The following GRM7 variants were observed in gnomAD, a reference collection of about 807,000 sequenced individuals.
The protein encoded by GRM7 is metabotropic glutamate receptor 7.
GRM7 carries 35 observed loss-of-function variants against 84.5 expected under a neutral mutation model. The observed-to-expected ratio is 0.41, with a 90% CI of 0.32 to 0.55. GRM7 has a LOEUF of 0.55. GRM7 is among the 20% of genes least tolerant of loss of function. The pLI is 0.19. For synonymous variants in GRM7, 487 were observed against 455.1 expected, an observed-to-expected ratio of 1.07 and a Z score of -0.89; for missense variants, 1,003 against 1,194.6, an observed-to-expected ratio of 0.84 and a Z score of 2.36.
intron 2 of GRM7, among the ~76,000 whole-genome samples, chr3:7,226,339 T>G (rs1575054868): frequency 6.6e-6 from 1 of 152,188 alleles, no homozygotes; most frequent in East Asian, 1.9e-4. Context: ...TTCAGGTTGC[T>G]GGCAAAATTT....
chr3:7,649,331 A>C (rs180909393), intron 8 of GRM7, among the ~76,000 whole-genome samples: 1 of 152,116 alleles, frequency 6.6e-6, no homozygotes, highest in Admixed American at 6.5e-5. Context: ...GGCCTCCCAA[A>C]GTGCTGGGAT....
rs542685862 is a variant in GRM7 at position 6,862,459 on chromosome 3, G to T, written c.519+552G>T. Among the ~76,000 whole-genome samples the T allele has an allele frequency of 3.9e-4, 59 of 152,180 alleles. No homozygotes were observed. The highest frequency in any genetic ancestry group is 1.4e-3 in the African/African-American group (57 of 41,556). ...TGGATGTTAAGTCCGCATCTCCCTC[G>T]GGCTGATTTCCCGACCTGTAGCCAG... On this transcript the variant is annotated intron_variant, in intron 1 of 9. Coordinates refer to ENST00000357716, the MANE Select transcript of GRM7 (RefSeq NM_000844.4). This position sits in a 1 kb window ranked among gnomAD's most constrained non-coding sequence, Gnocchi z 5.2.
chr3:7,550,144 T>C (rs1174913356), intron 7 of GRM7, among the ~76,000 whole-genome samples: 1 of 151,960 alleles, frequency 6.6e-6, no homozygotes, highest in African/African-American at 2.4e-5. Flanking sequence ...TCCATGTAAG[T>C]GCAGAGAGCT....
At chr3:7,013,794 A>T (rs1695468300) in intron 1 of GRM7, among the ~76,000 whole-genome samples, 1 of 152,118 alleles carries the variant, frequency 6.6e-6, no homozygotes, top group African/African-American at 2.4e-5. Context: ...ACTAAAAGCA[A>T]TTGCAATTGT....
chr3:6,922,540 T>C (rs1697162332), intron 1 of GRM7, among the ~76,000 whole-genome samples: 1 of 152,228 alleles, frequency 6.6e-6, no homozygotes, highest in Non-Finnish European at 1.5e-5. Context: ...TTTAAATTTA[T>C]CACTTCTTTT....
rs182803519 is a variant in GRM7, at chr3:7,558,635, G to A, written c.1516-19787G>A. Reference sequence around the variant, plus strand: ...AATATATTTAATAAGACAATTAGGGGTCCACATATTTTAGTAAATAATATT... The same window carrying A: ...AATATATTTAATAAGACAATTAGGGATCCACATATTTTAGTAAATAATATT... On this transcript the variant is annotated intron_variant, in intron 7 of 9. Transcript: ENST00000357716. 2.0e-5 allele frequency among the ~76,000 whole-genome samples: 3 copies of A among 152,182 alleles called. No homozygotes were observed. The East Asian group carries it at 5.8e-4, about 29-fold the overall frequency.
rs34718473 is a variant in GRM7 at position 7,112,229 on chromosome 3, AT to A, written c.520-34210del. Reference sequence around the variant, plus strand: ...GTCTATTGAGTTTTCATATTTTATGATTTTTTTTTTTTTGAGACAGAGTCTC... The same window carrying A: ...GTCTATTGAGTTTTCATATTTTATGATTTTTTTTTTTTGAGACAGAGTCTC... On this transcript the variant is annotated intron_variant, in intron 1 of 9. Transcript: ENST00000357716. 4.8e-4 allele frequency among the ~76,000 whole-genome samples: 70 copies of A among 146,842 alleles called. 1 individual carries two copies. The highest frequency in any genetic ancestry group is 1.7e-3 in the South Asian group (8 of 4,644).
intron 1 of GRM7, among the ~76,000 whole-genome samples, chr3:6,916,433 T>G (rs990702527): frequency 6.6e-6 from 1 of 152,130 alleles, no homozygotes; most frequent in South Asian, 2.1e-4. Context: ...AGTGGCAGTA[T>G]AGGGGGAGTC....
intron 1 of GRM7, among the ~76,000 whole-genome samples, chr3:6,891,638 C>G (rs1475722458): frequency 6.6e-6 from 1 of 152,088 alleles, no homozygotes; most frequent in Non-Finnish European, 1.5e-5. Flanking sequence ...GTGGGTAACC[C>G]GACCTTTCTC....
intron 1 of GRM7, among the ~76,000 whole-genome samples, chr3:6,889,117 TAAG>T (rs1488449508): frequency 6.6e-6 from 1 of 152,208 alleles, no homozygotes; most frequent in Non-Finnish European, 1.5e-5. Context: ...CTTGTCAGCT[TAAG>T]GAGATTTTGG....
intron 8 of GRM7, among the ~76,000 whole-genome samples, chr3:7,668,801 G>A (rs1300625698): frequency 6.6e-6 from 1 of 152,240 alleles, no homozygotes; most frequent in Non-Finnish European, 1.5e-5. Context: ...TTTCTCAAAT[G>A]AGTGAGGACC....
At chr3:6,898,402 C>CAAAAAAA (rs58548226) in intron 1 of GRM7, among the ~76,000 whole-genome samples, 1 of 101,836 alleles carries the variant, frequency 9.8e-6, no homozygotes. Context: ...GGCACAAAGA[C>CAAAAAAA]AAAAAAAAAA....
chr3:6,970,685 A>G (rs1367708612), intron 1 of GRM7, among the ~76,000 whole-genome samples: 2 of 152,132 alleles, frequency 1.3e-5, no homozygotes, highest in Non-Finnish European at 2.9e-5. Context: ...TCCTACAAAA[A>G]AACCAAGAGA....
intron 8 of GRM7, among the ~76,000 whole-genome samples, chr3:7,580,248 C>A (rs963731066): frequency 6.6e-6 from 1 of 152,138 alleles, no homozygotes; most frequent in African/African-American, 2.4e-5. Context: ...GATATGGTGT[C>A]TTTCACTGGA....
intron 8 of GRM7, among the ~76,000 whole-genome samples, chr3:7,605,329 A>G (rs1012786576): frequency 1.3e-5 from 2 of 152,204 alleles, no homozygotes; most frequent in East Asian, 3.9e-4. Context: ...TGTCAAGAAT[A>G]ATCCAGTTGA....
At chr3:6,973,978 C>T (rs1693880264) in intron 1 of GRM7, among the ~76,000 whole-genome samples, 1 of 152,096 alleles carries the variant, frequency 6.6e-6, no homozygotes, top group Non-Finnish European at 1.5e-5. Context: ...ACAGAGAGAC[C>T]AGTTACCCAG....
chr3:7,290,723 C>T (rs971740903), intron 2 of GRM7, among the ~76,000 whole-genome samples: 2 of 152,146 alleles, frequency 1.3e-5, no homozygotes, highest in African/African-American at 4.8e-5. Context: ...TTACTGCAAC[C>T]ATGCTTATCT....
At chr3:7,006,827 C>T (rs1416163872) in intron 1 of GRM7, among the ~76,000 whole-genome samples, 1 of 152,140 alleles carries the variant, frequency 6.6e-6, no homozygotes, top group Non-Finnish European at 1.5e-5. Flanking sequence ...ATAAATCTTG[C>T]TGAGCACCTA....
chr3:7,576,519 T>G (rs1265888128), intron 7 of GRM7, among the ~76,000 whole-genome samples: 1 of 152,250 alleles, frequency 6.6e-6, no homozygotes, highest in East Asian at 1.9e-4. Context: ...CATTCAAGCG[T>G]TGATGAAAGA....
Sources: allele counts gnomAD v4.1 joint callset (sites outside exome capture counted in the v4.1 genomes callset), GRCh38; gene constraint gnomAD v4.1.1; non-coding constraint Gnocchi (gnomAD v3.1); transcripts MANE v1.5; gene names NCBI Gene and HGNC (gene_info 2026-07-23, HGNC 2026-07-21).